The following DIAPH1 variants were observed in gnomAD, a reference collection of about 807,000 sequenced individuals.
DIAPH1 encodes the protein diaphanous related formin 1, also known as protein diaphanous homolog 1.
Under a neutral mutation model 140.7 loss-of-function variants are expected in DIAPH1, and 46 were observed. That is an observed-to-expected ratio of 0.33 (90% CI 0.26 to 0.42). The LOEUF is 0.42. Among genes scored for constraint, DIAPH1 ranks in the 10% least tolerant of loss-of-function variants. The pLI, the probability that DIAPH1 is intolerant of heterozygous loss-of-function variation, is 1.00. For synonymous variants in DIAPH1, 565 were observed against 551.6 expected, an observed-to-expected ratio of 1.02 and a Z score of -0.34; for missense variants, 1,310 against 1,558.7, an observed-to-expected ratio of 0.84 and a Z score of 2.69.
chr5:141,615,267 T>A (rs996253513), intron 1 of DIAPH1, among the ~76,000 whole-genome samples: 1 of 147,290 alleles, frequency 6.8e-6, no homozygotes, highest in African/African-American at 2.5e-5. Flanking sequence ...AACCAGTCTC[T>A]ACTAAAAATA....
intron 18 of DIAPH1, chr5:141,560,900 T>C (rs905861849): frequency 4.2e-5 from 19 of 455,748 alleles, no homozygotes; most frequent in Non-Finnish European, 7.5e-5. Flanking sequence ...CCCTTCTTTG[T>C]TCCTGAGGTG....
intron 1 of DIAPH1, among the ~76,000 whole-genome samples, chr5:141,600,053 G>A (rs190060918): frequency 6.6e-6 from 1 of 152,210 alleles, no homozygotes; most frequent in African/African-American, 2.4e-5. Context: ...TTTAAGAAAG[G>A]GGAATCATCC....
In DIAPH1 at chr5:141,526,148, C is replaced by T. The variant is rs779775889; in HGVS notation, c.3464G>A (p.Arg1155Gln). Residue 1155 changes from arginine (R) to glutamine (Q), a missense_variant, in exon 26 of 28, where the codon CGG (arginine) becomes CAG (glutamine). Arg to Gln is a conservative substitution (Grantham distance 43). This residue lies in a region of DIAPH1 where 344 missense variants were observed against 512.2 expected (regional missense o/e 0.67). Coordinates refer to ENST00000389054, the MANE Select transcript of DIAPH1 (RefSeq NM_005219.5). ...CCTCATCTTTTCTTCTGTCTCCCGCCGCTTCTGGTTCTCCTTGACTGCTTG... is the reference window on the plus strand; with the variant it reads ...CCTCATCTTTTCTTCTGTCTCCCGCTGCTTCTGGTTCTCCTTGACTGCTTG... The part of the protein sequence containing the change: ...FLQAVKENQK[R>Q]RETEEKMRRA... 64 of 1,613,972 alleles carry T rather than the reference C, an allele frequency of 4.0e-5. No individual in the cohort carries two copies. The highest frequency in any genetic ancestry group is 5.0e-5 in the Non-Finnish European group (59 of 1,180,042).
chr5:141,612,646 G>A (rs938351721), intron 1 of DIAPH1, among the ~76,000 whole-genome samples: 3 of 152,208 alleles, frequency 2.0e-5, no homozygotes, highest in African/African-American at 7.2e-5. Context: ...ACGAGGATGG[G>A]TGAGAGGGAG....
Position 141,516,390 on chromosome 5 carries a change from G to C in DIAPH1, c.*461C>G. On this transcript the variant is annotated 3_prime_UTR_variant, in exon 28 of 28. Coordinates refer to ENST00000389054, the MANE Select transcript of DIAPH1 (RefSeq NM_005219.5). Reference sequence around the variant, plus strand: ...AGAGCAGAGACAACAGCAATGAAAGGAGGGATCTAGCCCAAAGGTTTACAA... The same window carrying C: ...AGAGCAGAGACAACAGCAATGAAAGCAGGGATCTAGCCCAAAGGTTTACAA... The C allele has an allele frequency of 4.9e-6, 1 of 204,562 alleles. No homozygotes were observed. The highest frequency in any genetic ancestry group is 1.0e-5 in the Non-Finnish European group (1 of 98,424). 12.7% of individuals were successfully genotyped at this position (204,562 alleles called of 1,614,324 possible). A position where few individuals can be genotyped will look rare whatever the true frequency, so the allele number is the denominator to read the frequency against.
chr5:141,601,379 T>C (rs1596404896), intron 1 of DIAPH1, among the ~76,000 whole-genome samples: 1 of 151,894 alleles, frequency 6.6e-6, no homozygotes, highest in Non-Finnish European at 1.5e-5. Context: ...ACCTCCGCCT[T>C]CTAGGTTCAA....
At chr5:141,574,287 C>T (rs2099895628) in intron 15 of DIAPH1, 79 bp from the exon 16 acceptor site, 1 of 1,411,798 alleles carries the variant, frequency 7.1e-7, no homozygotes, top group South Asian at 1.2e-5. Context: ...TAATAAACTA[C>T]TTAATCCAAA....
chr5:141,537,483 CAAAAAAAAAAAAAAAA>C lies in DIAPH1; in HGVS notation c.2483-3066_2483-3051del, dbSNP rs34323841. Among the ~76,000 whole-genome samples, 4 of 36,970 alleles carry C rather than the reference CAAAAAAAAAAAAAAAA, an allele frequency of 1.1e-4. No homozygotes were observed. The East Asian group carries it at 3.9e-3, about 36-fold the overall frequency. 24.3% of individuals were successfully genotyped at this position (36,970 alleles called of 152,430 possible). ...GGGCAAAAAGAGCAAAACTCCGTCT[CAAAAAAAAAAAAAAAA>C]AAAAAAAAAAGGGATGAAAATGTCA... On this transcript the variant is annotated intron_variant, in intron 18 of 27. Coordinates refer to ENST00000389054, the MANE Select transcript of DIAPH1 (RefSeq NM_005219.5).
Position 141,527,610 on chromosome 5 carries a change from G to A in DIAPH1, c.3236C>T (p.Ala1079Val). 1 of 1,611,262 alleles carries A rather than the reference G, an allele frequency of 6.2e-7. No homozygotes were observed. The highest frequency in any genetic ancestry group is 8.5e-7 in the Non-Finnish European group (1 of 1,179,496). The change falls in exon 24 of 28, where the codon GCC becomes GTC. Residue 1079 changes from alanine to valine, a missense_variant. Around this residue, in one of 3 missense-constraint regions of DIAPH1, gnomAD observed 344 missense variants for 512.2 expected, o/e 0.67. Coordinates refer to ENST00000389054, the MANE Select transcript of DIAPH1 (RefSeq NM_005219.5). ...VERDVQNFPA[A>V]TDEKDKFVEK... is the part of the protein sequence containing the mutation. ...AACAAACTTGTCTTTTTCATCTGTG[G>A]CAGCTGGGAAATTCTGAACATCACG...
intron 3 of DIAPH1, 67 bp downstream of exon 3, chr5:141,586,975 C>T: frequency 6.4e-7 from 1 of 1,570,316 alleles, no homozygotes. Context: ...GAATTATGCA[C>T]CAAAAAGAGC....
chr5:141,575,526 G>T (rs1475013617), intron 14 of DIAPH1, among the ~76,000 whole-genome samples: 1 of 152,060 alleles, frequency 6.6e-6, no homozygotes, highest in African/African-American at 2.4e-5. Context: ...GTGGGCACCT[G>T]TAATCCCAGC....
In DIAPH1 at chr5:141,573,378, T is replaced by C. The variant is rs1157984797; in HGVS notation, c.2358+114A>G. 1.5e-5 allele frequency: 20 copies of C among 1,303,600 alleles called. No individual in the cohort carries two copies. In the East Asian group the frequency reaches 2.0e-4, roughly 13 times the overall value. 80.8% of individuals were successfully genotyped at this position (1,303,600 alleles called of 1,614,324 possible). On this transcript the variant is annotated intron_variant, in intron 16 of 27. Transcript: ENST00000389054. Reference sequence around the variant, plus strand: ...TGAACCCGGGAGGCGGAGCTTGCAGTGAGCCGAGATCGCACCACTGCACTC... The same window carrying C: ...TGAACCCGGGAGGCGGAGCTTGCAGCGAGCCGAGATCGCACCACTGCACTC...
Position 141,528,750 on chromosome 5 carries a change from G to T in DIAPH1, c.2970C>A (p.Gly990=). The change falls in exon 22 of 28, where the codon GGC becomes GGA. Residue 990 remains glycine, a synonymous_variant. Transcript: ENST00000389054. ...AGCCAAAAGCACCAGCATTTCTGGAGCCAGCATTCATGTAATTTCCAACAA... is the reference window on the plus strand; with the variant it reads ...AGCCAAAAGCACCAGCATTTCTGGATCCAGCATTCATGTAATTTCCAACAA... ...TLLVGNYMNA[G]SRNAGAFGFN... is the part of the protein sequence containing the mutation. The T allele has an allele frequency of 6.2e-7, 1 of 1,614,236 alleles. No homozygotes were observed. The highest frequency in any genetic ancestry group is 8.5e-7 in the Non-Finnish European group (1 of 1,180,036).
At chr5:141,578,463 G>A in intron 10 of DIAPH1, 52 bp downstream of exon 10, 1 of 1,546,890 alleles carries the variant, frequency 6.5e-7, no homozygotes, top group Non-Finnish European at 8.9e-7. Flanking sequence ...TATTGGGGCT[G>A]TAGAGCAAGA....
intron 24 of DIAPH1, among the ~76,000 whole-genome samples, chr5:141,527,139 G>A (rs122752): frequency 6.6e-6 from 1 of 152,056 alleles, no homozygotes; most frequent in African/African-American, 2.4e-5. Context: ...AGGGGAGTTG[G>A]TGGGACTTTT....
intron 18 of DIAPH1, among the ~76,000 whole-genome samples, chr5:141,549,595 T>C (rs1186378049): frequency 6.6e-6 from 1 of 152,154 alleles, no homozygotes; most frequent in Non-Finnish European, 1.5e-5. Flanking sequence ...TTTTCATATG[T>C]ATACAGCATA....
chr5:141,614,781 T>C (rs540008743), intron 1 of DIAPH1, among the ~76,000 whole-genome samples: 2 of 151,466 alleles, frequency 1.3e-5, no homozygotes, highest in South Asian at 4.2e-4. Context: ...CCTCCCTCTT[T>C]CCAAACTATA....
chr5:141,571,506 T>C, intron 17 of DIAPH1, 70 bp from the exon 18 acceptor site: 1 of 1,343,642 alleles, frequency 7.4e-7, no homozygotes, highest in South Asian at 1.2e-5. Context: ...AGAAAAGGAA[T>C]CACATATGGT....
chr5:141,575,210 T>C, intron 14 of DIAPH1, 64 bp from the exon 15 acceptor site: 4 of 1,552,882 alleles, frequency 2.6e-6, no homozygotes, highest in South Asian at 1.1e-5. Context: ...ACAAGTATTA[T>C]TACCCATAAT....
Sources: allele counts gnomAD v4.1 joint callset (sites outside exome capture counted in the v4.1 genomes callset), GRCh38; gene constraint gnomAD v4.1.1; regional missense constraint gnomAD v4.1.1; transcripts MANE v1.5; gene names NCBI Gene and HGNC (gene_info 2026-07-23, HGNC 2026-07-21).